The following TAF6 variants were observed in gnomAD, a reference collection of about 807,000 sequenced individuals.
TAF6 encodes TATA-box binding protein associated factor 6.
TAF6 carries 50 observed loss-of-function variants against 73.5 expected under a neutral mutation model. That is an observed-to-expected ratio of 0.68 (90% CI 0.54 to 0.86). TAF6 has a LOEUF of 0.86. Among genes scored for constraint, TAF6 ranks in the 40% least tolerant of loss-of-function variants. TAF6 has a pLI of 0.00. For missense variants in TAF6, 768 were observed against 899.5 expected (o/e 0.85, Z 1.87); for synonymous variants, 424 against 376.7 (o/e 1.13, Z -1.45).
upstream of TAF6, chr7:100,122,614 G>C: frequency 6.4e-7 from 1 of 1,557,326 alleles, no homozygotes; most frequent in Admixed American, 1.8e-5. Flanking sequence ...CCACTTCTCA[G>C]ATACAAAGAT....
the TAF6 span, chr7:100,124,931 G>C: frequency 6.5e-7 from 1 of 1,536,052 alleles, no homozygotes. Context: ...ATCATGGAGA[G>C]CCCTCTAAAG....
At chr7:100,118,228 C>CT (rs1346611121) in intron 1 of TAF6, among the ~76,000 whole-genome samples, 2 of 151,516 alleles carry the variant, frequency 1.3e-5, no homozygotes, top group African/African-American at 4.9e-5. Flanking sequence ...TGGCGGGCGC[C>CT]TGTAGTCCCA....
rs936204493 is a variant in TAF6 at position 100,113,729 on chromosome 7, C to T, written c.284G>A (p.Arg95His). The T allele has an allele frequency of 1.9e-6, 3 of 1,613,846 alleles. No individual in the cohort carries two copies. Among genetic ancestry groups the T allele is most frequent in the Non-Finnish European group, 1.7e-6 (2 of 1,179,986 alleles). ...CTCCCGGCCCCCACCAGAGGCGAAGCGGAAAGGAATGAACTCCTGGGCGTG... is the reference window on the plus strand; with the variant it reads ...CTCCCGGCCCCCACCAGAGGCGAAGTGGAAAGGAATGAACTCCTGGGCGTG... ...GFHAQEFIPF[R>H]FASGGGRELY... is the part of the protein sequence containing the mutation. The change falls in exon 4 of 15, where the codon CGC becomes CAC. Residue 95 changes from arginine (R) to histidine (H), a missense_variant. Coordinates refer to ENST00000453269, the MANE Select transcript of TAF6 (RefSeq NM_139315.3).
upstream of TAF6, chr7:100,119,873 G>A (rs764201928): frequency 6.2e-7 from 1 of 1,607,196 alleles, no homozygotes; most frequent in Non-Finnish European, 8.5e-7. Context: ...GTATTTGAAG[G>A]GGGTAGCCCC....
At chr7:100,122,250 C>A, upstream of TAF6, 1 of 1,612,384 alleles carries the variant, frequency 6.2e-7, no homozygotes, top group Admixed American at 1.7e-5. Context: ...CGTTTCTCCT[C>A]CCCACCAGTG....
Position 100,113,388 on chromosome 7 carries a change from C to T in TAF6, c.415G>A (p.Glu139Lys), listed in dbSNP as rs1389928695. The T allele has an allele frequency of 7.5e-6, 12 of 1,594,020 alleles. No individual in the cohort carries two copies. The highest frequency in any genetic ancestry group is 1.0e-5 in the Non-Finnish European group (12 of 1,169,870). ...VCLKAHWLSI[E>K]GCQPAIPENP... The stretch of plus-strand genomic sequence containing the variant: ...TCGGGGATAGCTGGCTGGCAGCCCT[C>T]GATGCTCAGCCAATGAGCTGCAAGG... Residue 139 changes from glutamate (E) to lysine (K), a missense_variant, in exon 5 of 15, where the codon GAG becomes AAG. Around this residue, in one of 5 missense-constraint regions of TAF6, gnomAD observed 269 missense variants for 268.0 expected, o/e 1.00. Transcript: ENST00000453269.
rs1053754395 is a variant in TAF6 at position 100,107,246 on chromosome 7, T to G, written c.2034A>C (p.Ter678CysextTer32). 6.6e-7 allele frequency: 1 copy of G among 1,522,906 alleles called. No homozygotes were observed. The highest frequency in any genetic ancestry group is 8.8e-7 in the Non-Finnish European group (1 of 1,138,708). The allele number at this position is 1,522,906 out of a possible 1,614,324, so 94.3% of individuals were successfully genotyped here. A position where few individuals can be genotyped will look rare whatever the true frequency, so the allele number is the denominator to read the frequency against. The change falls in exon 15 of 15, where the codon TGA (stop) becomes TGC (cysteine). Residue 678 changes from the stop codon to cysteine, a stop_lost. Coordinates refer to ENST00000453269, the MANE Select transcript of TAF6 (RefSeq NM_139315.3). ...AATCCGGGGGCTGGCAGGTGGAGCA[T>G]CACGGAGCAGGCTGAGGGGAGCCGG... ...PNSGSPQPAP[*>C]
At chr7:100,123,984 C>T (rs1354603759), upstream of TAF6, among the ~76,000 whole-genome samples, 2 of 151,980 alleles carry the variant, frequency 1.3e-5, no homozygotes, top group Non-Finnish European at 2.9e-5. Context: ...CAAGAATTAG[C>T]CGGGCGTGGT....
upstream of TAF6, chr7:100,121,112 A>ATTTTTTTTTTTT (rs1798040006): frequency 2.0e-4 from 6 of 30,720 alleles, no homozygotes; most frequent in East Asian, 5.7e-4. Context: ...ATATATATAT[A>ATTTTTTTTTTTT]TATATTTTTT....
the TAF6 span, among the ~76,000 whole-genome samples, chr7:100,125,732 T>C: frequency 6.6e-6 from 1 of 152,034 alleles, no homozygotes; most frequent in African/African-American, 2.4e-5. Flanking sequence ...GGAGGATCAC[T>C]TGAGTCCAAA....
chr7:100,113,295 TGGAA>T, intron 5 of TAF6, 50 bp downstream of exon 5: 1 of 1,401,792 alleles, frequency 7.1e-7, no homozygotes, highest in South Asian at 1.4e-5. Context: ...AAAAAAAAGG[TGGAA>T]GGAAGGGGAA....
At chr7:100,119,664 G>T (rs1292648412), upstream of TAF6, 2 of 1,611,582 alleles carry the variant, frequency 1.2e-6, no homozygotes, top group East Asian at 4.5e-5. Context: ...GTTGCCGCTA[G>T]CCGCCTGGGA....
At chr7:100,123,713 G>A (rs1798132876), upstream of TAF6, among the ~76,000 whole-genome samples, 1 of 152,174 alleles carries the variant, frequency 6.6e-6, no homozygotes, top group Non-Finnish European at 1.5e-5. Flanking sequence ...GTAGAGACGG[G>A]GTTTCATCAT....
At chr7:100,113,455 G>C in intron 4 of TAF6, 50 bp from the exon 5 acceptor site, 1 of 1,538,628 alleles carries the variant, frequency 6.5e-7, no homozygotes, top group Middle Eastern at 1.8e-4. Flanking sequence ...GGACATTGGG[G>C]AGTTGCCCCA....
In TAF6 at chr7:100,112,135, G is replaced by T; in HGVS notation, c.693C>A (p.Cys231Ter). ...CCCTCTTGGCCTCGCAGGAGCCCAC[G>T]CAGGCCTCGGTGATCTCCTTGTAGT... ...QLYYKEITEACVGSCEAKRAE... is the reference protein window; with the variant it reads ...QLYYKEITEA Residue 231 changes from cysteine (C) to a stop codon, truncating the protein, a stop_gained, in exon 7 of 15, where the codon TGC (cysteine) becomes TGA (stop). Transcript: ENST00000453269. LOFTEE classifies it high-confidence loss of function. The T allele has an allele frequency of 6.2e-7, 1 of 1,613,846 alleles. No individual in the cohort carries two copies. Among genetic ancestry groups the T allele is most frequent in the Non-Finnish European group, 8.5e-7 (1 of 1,179,882 alleles).
chr7:100,108,185 A>G (rs1796761721), intron 13 of TAF6, 62 bp from the exon 14 acceptor site: 1 of 1,520,888 alleles, frequency 6.6e-7, no homozygotes, highest in Non-Finnish European at 8.8e-7. Flanking sequence ...GTCTGAAGGG[A>G]GAGGCCTGGG....
chr7:100,113,292 A>T, intron 5 of TAF6, 57 bp downstream of exon 5: 21 of 1,449,268 alleles, frequency 1.4e-5, no homozygotes, highest in Non-Finnish European at 1.9e-5. Flanking sequence ...CAAAAAAAAA[A>T]GGTGGAAGGA....
upstream of TAF6, chr7:100,124,417 C>A: frequency 1.1e-6 from 1 of 901,630 alleles, no homozygotes; most frequent in Non-Finnish European, 1.8e-6. Context: ...TGGCTACCTG[C>A]CTCTCCAAAA....
the TAF6 span, chr7:100,126,975 G>A: frequency 6.0e-6 from 1 of 165,596 alleles, no homozygotes; most frequent in African/African-American, 2.4e-5. Context: ...CCATATCTGG[G>A]TACACGGGAA....
Sources: allele counts gnomAD v4.1 joint callset (sites outside exome capture counted in the v4.1 genomes callset), GRCh38; gene constraint gnomAD v4.1.1; regional missense constraint gnomAD v4.1.1; transcripts MANE v1.5; gene names NCBI Gene and HGNC (gene_info 2026-07-23, HGNC 2026-07-21).